Variants in TLK1 observed in about 807,000 individuals in gnomAD.
The protein encoded by TLK1 is serine/threonine-protein kinase tousled-like 1.
Under a neutral mutation model 105.3 loss-of-function variants are expected in TLK1, and 24 were observed. The ratio of observed to expected loss-of-function variants is 0.23; its 90% CI spans 0.17 to 0.32. TLK1 has a LOEUF of 0.32. Ranked by LOEUF, TLK1 falls within the 10% of genes least tolerant of loss-of-function variation. The probability of loss-of-function intolerance (pLI) is 1.00; values close to 1 mark genes in which losing one functional copy is unlikely to be tolerated. For synonymous variants in TLK1, 321 were observed against 310.4 expected, an observed-to-expected ratio of 1.03 and a Z score of -0.36; for missense variants, 558 against 910.5, an observed-to-expected ratio of 0.61 and a Z score of 4.98.
At chr2:171,036,132 G>A (rs1054906644) in intron 11 of TLK1, among the ~76,000 whole-genome samples, 1 of 152,206 alleles carries the variant, frequency 6.6e-6, no homozygotes, top group South Asian at 2.1e-4. Context: ...AGGGGACAGA[G>A]GCTAGAATTT....
chr2:171,158,592 AAACG>A (rs2105609839), intron 1 of TLK1, among the ~76,000 whole-genome samples: 1 of 152,292 alleles, frequency 6.6e-6, no homozygotes, highest in African/African-American at 2.4e-5. Flanking sequence ...AATATTCGAG[AAACG>A]AATGAATGAA....
At chr2:171,082,258 T>C (rs1395098032) in intron 3 of TLK1, among the ~76,000 whole-genome samples, 1 of 151,946 alleles carries the variant, frequency 6.6e-6, no homozygotes, top group African/African-American at 2.4e-5. Context: ...ATTTTCTTGG[T>C]GGGATCAGTA....
At chr2:171,093,025 A>G (rs1689301831) in intron 2 of TLK1, among the ~76,000 whole-genome samples, 1 of 152,206 alleles carries the variant, frequency 6.6e-6, no homozygotes. Context: ...ATGCAATTCA[A>G]AATTTTCCCC....
At chr2:171,044,187 C>T (rs1686828143) in intron 11 of TLK1, among the ~76,000 whole-genome samples, 1 of 152,014 alleles carries the variant, frequency 6.6e-6, no homozygotes, top group Non-Finnish European at 1.5e-5. Flanking sequence ...TTTGGGAAAC[C>T]AAGGCAAAGA....
chr2:171,128,595 C>T (rs1404728880), intron 1 of TLK1, among the ~76,000 whole-genome samples: 2 of 152,118 alleles, frequency 1.3e-5, no homozygotes, highest in African/African-American at 2.4e-5. Context: ...GAAGTTCCTG[C>T]TAAGTATAAT....
chr2:171,228,844 A>T (rs193229171), intron 1 of TLK1, among the ~76,000 whole-genome samples: 2,497 of 151,048 alleles, frequency 0.017, 118 homozygotes, highest in Admixed American at 0.11. Context: ...AACTGTAATT[A>T]AAAAAAAAAT....
chr2:170,995,992 G>A (rs371731532), intron 20 of TLK1, among the ~76,000 whole-genome samples: 13 of 149,270 alleles, frequency 8.7e-5, no homozygotes, highest in East Asian at 2.0e-4. Flanking sequence ...GTGAGCCACC[G>A]CGCATGGCCT....
rs551946506 is a variant in TLK1 at position 171,027,106 on chromosome 2, C to T, written c.1236+1233G>A. 6.6e-5 allele frequency among the ~76,000 whole-genome samples: 10 copies of T among 152,212 alleles called. No individual in the cohort carries two copies. In the South Asian group the frequency reaches 2.1e-3, roughly 32 times the overall value. ...CCCTATAAATGGTAGGAATCCCCAG[C>T]ATATTAATAACATTTCCAAAACAAA... On this transcript the variant is annotated intron_variant, in intron 12 of 20. Transcript: ENST00000431350.
chr2:171,197,482 T>A (rs1384778056), intron 1 of TLK1, among the ~76,000 whole-genome samples: 1 of 152,108 alleles, frequency 6.6e-6, no homozygotes, highest in Non-Finnish European at 1.5e-5. Flanking sequence ...TGCATCAGAA[T>A]CACTTGGAGC....
intron 1 of TLK1, among the ~76,000 whole-genome samples, chr2:171,220,039 C>T (rs1188034773): frequency 6.6e-6 from 1 of 152,144 alleles, no homozygotes; most frequent in Non-Finnish European, 1.5e-5. Flanking sequence ...TGGGAGGACA[C>T]AAACATTCTG....
At chr2:171,012,720 G>A (rs990931582) in intron 13 of TLK1, among the ~76,000 whole-genome samples, 11 of 152,054 alleles carry the variant, frequency 7.2e-5, no homozygotes, top group South Asian at 2.1e-4. Context: ...CTTGTGATCC[G>A]CCTGCCTCGG....
intron 1 of TLK1, among the ~76,000 whole-genome samples, chr2:171,148,911 A>ATATATATG (rs1408462467): frequency 3.0e-5 from 4 of 134,238 alleles, no homozygotes; most frequent in African/African-American, 1.2e-4. Context: ...ATATATATAT[A>ATATATATG]TGTGTGTGTG....
rs117678866 is a variant in TLK1, at chr2:171,029,232, C to T, written c.1170-827G>A. On this transcript the variant is annotated intron_variant, in intron 11 of 20. Transcript: ENST00000431350. Reference sequence around the variant, plus strand: ...GCAAAGGGAGTCAGTCCAGTTTGGGCAGTTTTTAAAAAGAGGAAAAAAACA... The same window carrying T: ...GCAAAGGGAGTCAGTCCAGTTTGGGTAGTTTTTAAAAAGAGGAAAAAAACA... Among the ~76,000 whole-genome samples the T allele has an allele frequency of 1.2e-3, 186 of 152,144 alleles. 4 individuals are homozygous for T. In the East Asian group the frequency reaches 0.034, roughly 28 times the overall value.
chr2:171,148,793 T>G (rs1377275451), intron 1 of TLK1, among the ~76,000 whole-genome samples: 3 of 150,440 alleles, frequency 2.0e-5, no homozygotes, highest in Non-Finnish European at 4.4e-5. Flanking sequence ...GATGTGAGAA[T>G]CATTTGAACC....
intron 1 of TLK1, among the ~76,000 whole-genome samples, chr2:171,176,181 C>T (rs1315242610): frequency 4.6e-5 from 7 of 152,094 alleles, no homozygotes; most frequent in Non-Finnish European, 8.8e-5. Context: ...CTCAGGTGAT[C>T]CGGCCGCCTC....
chr2:171,122,272 A>G (rs977951857), intron 1 of TLK1, among the ~76,000 whole-genome samples: 3 of 152,256 alleles, frequency 2.0e-5, no homozygotes, highest in East Asian at 3.9e-4. Flanking sequence ...CCCTAATAAG[A>G]TATTTTAAAG....
intron 3 of TLK1, among the ~76,000 whole-genome samples, chr2:171,070,522 G>C (rs886244470): frequency 6.6e-6 from 1 of 152,116 alleles, no homozygotes; most frequent in African/African-American, 2.4e-5. Flanking sequence ...GTGAGAACAT[G>C]TGAAGTTTGT....
intron 1 of TLK1, among the ~76,000 whole-genome samples, chr2:171,135,188 A>G (rs963071230): frequency 1.3e-5 from 2 of 152,090 alleles, no homozygotes; most frequent in African/African-American, 4.8e-5. Flanking sequence ...ATGATATATG[A>G]CATGTATTTC....
intron 2 of TLK1, among the ~76,000 whole-genome samples, chr2:171,086,508 C>T (rs1481205776): frequency 6.6e-6 from 1 of 152,120 alleles, no homozygotes; most frequent in Non-Finnish European, 1.5e-5. Flanking sequence ...TGCCTGTAAT[C>T]CCAGCTACTA....
Sources: allele counts gnomAD v4.1 joint callset (sites outside exome capture counted in the v4.1 genomes callset), GRCh38; gene constraint gnomAD v4.1.1; transcripts MANE v1.5; gene names NCBI Gene and HGNC (gene_info 2026-07-23, HGNC 2026-07-21).